INSL6: variants seen among roughly 807,000 people sequenced by gnomAD.
INSL6 encodes the protein insulin like 6, also known as insulin-like peptide INSL6.
Under a neutral mutation model 9.4 loss-of-function variants are expected in INSL6, and 16 were observed. The observed-to-expected ratio is 1.70, with a 90% CI of 1.15 to 2.59. The LOEUF is 2.59. INSL6 is among the 30% of genes most tolerant of loss of function. INSL6 has a pLI of 0.00. For synonymous variants in INSL6, 154 were observed against 96.9 expected (o/e 1.59, Z -3.46); for missense variants, 391 against 257.3 (o/e 1.52, Z -3.56).
intron 2 of INSL6, among the ~76,000 whole-genome samples, chr9:5,134,891 G>T (rs1041297169): frequency 5.9e-5 from 9 of 152,062 alleles, no homozygotes; most frequent in Non-Finnish European, 1.2e-4. Flanking sequence ...ACACACACTG[G>T]CAAATTGGAT....
chr9:5,024,794 G>A, the INSL6 span, among the ~76,000 whole-genome samples: 1 of 152,176 alleles, frequency 6.6e-6, no homozygotes, highest in African/African-American at 2.4e-5. Context: ...ACATAGGTGT[G>A]CTCTTTGCAT....
rs1234007519 is a variant in INSL6 at position 5,144,505 on chromosome 9, T to G, written c.377-10913A>C. 2.0e-5 allele frequency among the ~76,000 whole-genome samples: 3 copies of G among 152,212 alleles called. 1 individual carries two copies. Among genetic ancestry groups the G allele is most frequent in the Non-Finnish European group, 4.4e-5 (3 of 68,038 alleles). On this transcript the variant is annotated intron_variant, in intron 2 of 3. Coordinates refer to the INSL6 transcript ENST00000649639. ...TTCGGGGTATCTATGAGGATCCATT[T>G]GATCCGGTGCTGAGTTCAGGTCCTG... is the stretch of plus-strand genomic sequence containing the variant.
the INSL6 span, chr9:5,080,499 A>G: frequency 1.3e-6 from 2 of 1,561,554 alleles, no homozygotes; most frequent in East Asian, 4.5e-5. Flanking sequence ...GGCATTACAC[A>G]ATTTATTCTC....
chr9:5,096,906 T>G, the INSL6 span: 1 of 152,130 alleles, frequency 6.6e-6, no homozygotes, highest in Non-Finnish European at 1.5e-5. Flanking sequence ...TTTCGGCAAC[T>G]AACTAGTCCC....
chr9:5,175,601 G>A (rs761689033), intron 1 of INSL6, among the ~76,000 whole-genome samples: 1 of 152,150 alleles, frequency 6.6e-6, no homozygotes, highest in Non-Finnish European at 1.5e-5. Flanking sequence ...GCAGTGGGCA[G>A]GCGAGCGAGC....
chr9:5,167,233 C>T (rs912536723), intron 1 of INSL6, among the ~76,000 whole-genome samples: 1 of 152,182 alleles, frequency 6.6e-6, no homozygotes, highest in Non-Finnish European at 1.5e-5. Context: ...ATGCTTTTAC[C>T]ATGAATCCTT....
chr9:5,085,397 G>A, the INSL6 span: 3 of 823,276 alleles, frequency 3.6e-6, no homozygotes, highest in Non-Finnish European at 6.4e-6. Flanking sequence ...GGGCATCCTA[G>A]AACAGAGACT....
chr9:5,185,334 C>CAAG lies in INSL6; in HGVS notation c.268_269insCTT (p.Arg90delinsProTrp). 1.2e-6 allele frequency: 2 copies of CAAG among 1,614,104 alleles called. No homozygotes were observed. The highest frequency in any genetic ancestry group is 1.7e-6 in the Non-Finnish European group (2 of 1,180,010). On this transcript the variant is annotated protein_altering_variant, in exon 1 of 2. Transcript: ENST00000381641. ...TTTACCTGGGTTTGTGCCTCTTCCC[C>CAAG]GGGCCGGGGAAGCGGTTTGCGGGCT...
chr9:5,072,261 C>T, the INSL6 span, among the ~76,000 whole-genome samples: 4 of 152,210 alleles, frequency 2.6e-5, no homozygotes, highest in South Asian at 2.1e-4. Context: ...ATTTCAAAAC[C>T]GAGTAGAGCC....
chr9:5,121,447 G>A (rs1029058235), downstream of INSL6, among the ~76,000 whole-genome samples: 11 of 152,122 alleles, frequency 7.2e-5, no homozygotes, highest in Admixed American at 6.5e-4. Context: ...TTTATACAAA[G>A]GAAAATACAC....
the INSL6 span, among the ~76,000 whole-genome samples, chr9:5,104,237 C>A: frequency 2.0e-5 from 3 of 152,216 alleles, no homozygotes; most frequent in Middle Eastern, 3.4e-3. Flanking sequence ...GGGATATCAC[C>A]ACCGATCCCA....
the INSL6 span, among the ~76,000 whole-genome samples, chr9:5,103,283 A>G: frequency 6.7e-6 from 1 of 149,812 alleles, no homozygotes; most frequent in Admixed American, 6.6e-5. Context: ...GGTCTCTGAA[A>G]AAAAAGACTT....
intron 1 of INSL6, among the ~76,000 whole-genome samples, chr9:5,172,701 G>C (rs1385160639): frequency 1.3e-5 from 2 of 152,174 alleles, no homozygotes; most frequent in Non-Finnish European, 2.9e-5. Context: ...GGCCGAGGTG[G>C]GCAGATACCT....
the INSL6 span, among the ~76,000 whole-genome samples, chr9:5,068,652 G>A: frequency 6.6e-6 from 1 of 152,222 alleles, no homozygotes; most frequent in Non-Finnish European, 1.5e-5. Flanking sequence ...TATGTTGGCA[G>A]TGGCAGGAGC....
At chr9:5,016,785 C>T in the INSL6 span, among the ~76,000 whole-genome samples, 1 of 152,152 alleles carries the variant, frequency 6.6e-6, no homozygotes, top group Admixed American at 6.5e-5. Flanking sequence ...TAACCATTAT[C>T]CTAACTTTTT....
the INSL6 span, chr9:5,055,607 C>T: frequency 7.7e-7 from 1 of 1,298,704 alleles, no homozygotes; most frequent in Non-Finnish European, 1.1e-6. Flanking sequence ...CTTCTTAAGT[C>T]TTGTTTTAAA....
chr9:5,067,761 G>T, the INSL6 span, among the ~76,000 whole-genome samples: 2 of 151,976 alleles, frequency 1.3e-5, no homozygotes, highest in Non-Finnish European at 2.9e-5. Flanking sequence ...TTATCTACTG[G>T]ACAAACAAAA....
intron 1 of INSL6, among the ~76,000 whole-genome samples, chr9:5,172,482 C>T (rs1306309366): frequency 6.6e-6 from 1 of 152,156 alleles, no homozygotes; most frequent in African/African-American, 2.4e-5. Context: ...AACTAAAGAA[C>T]TTCTGCACAG....
At chr9:5,179,030 G>C (rs1825382466) in intron 1 of INSL6, among the ~76,000 whole-genome samples, 1 of 144,646 alleles carries the variant, frequency 6.9e-6, no homozygotes, top group African/African-American at 2.7e-5. Flanking sequence ...TTAAACTAAA[G>C]GGCTTCTGCA....
Sources: allele counts gnomAD v4.1 joint callset (sites outside exome capture counted in the v4.1 genomes callset), GRCh38; gene constraint gnomAD v4.1.1; transcripts MANE v1.5; gene names NCBI Gene and HGNC (gene_info 2026-07-23, HGNC 2026-07-21).